STRN3: variants seen among roughly 807,000 people sequenced by gnomAD.
STRN3 encodes striatin 3, also known as striatin-3.
A neutral mutation model predicts 95.6 loss-of-function variants in STRN3; 29 were observed. The ratio of observed to expected loss-of-function variants is 0.30; its 90% CI spans 0.23 to 0.41. The LOEUF is 0.41. Ranked by LOEUF, STRN3 falls within the 10% of genes least tolerant of loss-of-function variation. The pLI is 1.00. For missense variants in STRN3, 890 were observed against 972.1 expected, an observed-to-expected ratio of 0.92 and a Z score of 1.12; for synonymous variants, 331 against 357.6, an observed-to-expected ratio of 0.93 and a Z score of 0.84.
chr14:30,911,234 A>G (rs1190591135), intron 12 of STRN3, 72 bp from the exon 13 acceptor site: 8 of 1,476,126 alleles, frequency 5.4e-6, no homozygotes, highest in Non-Finnish European at 6.4e-6. Flanking sequence ...CATTCCCCCA[A>G]CCTCTGAATT....
At chr14:31,009,946 T>C (rs1043814309) in intron 1 of STRN3, among the ~76,000 whole-genome samples, 1 of 151,534 alleles carries the variant, frequency 6.6e-6, no homozygotes, top group Admixed American at 6.6e-5. Flanking sequence ...GAAAAAAAAA[T>C]TTTTTAAGTA....
intron 1 of STRN3, among the ~76,000 whole-genome samples, chr14:30,958,501 A>G (rs1188603163): frequency 1.3e-5 from 2 of 152,334 alleles, no homozygotes; most frequent in East Asian, 1.9e-4. Context: ...CAAATTCGTC[A>G]TACACTTTTA....
chr14:30,960,591 T>C (rs1464121596), intron 1 of STRN3, among the ~76,000 whole-genome samples: 2 of 151,896 alleles, frequency 1.3e-5, no homozygotes, highest in Non-Finnish European at 2.9e-5. Flanking sequence ...AAAATGAGGC[T>C]GGGCGCGGTG....
intron 5 of STRN3, among the ~76,000 whole-genome samples, chr14:30,940,468 C>CAAA (rs1179886265): frequency 1.3e-5 from 2 of 152,156 alleles, no homozygotes; most frequent in African/African-American, 4.8e-5. Flanking sequence ...AACTCACTTT[C>CAAA]CCTCAGAATC....
chr14:30,956,113 C>G, intron 2 of STRN3, 26 bp downstream of exon 2: 1 of 1,584,940 alleles, frequency 6.3e-7, no homozygotes, highest in Non-Finnish European at 8.7e-7. Context: ...CTACTTTATT[C>G]ATGTAACAAA....
At chr14:30,902,209 T>A (rs199705258) in intron 16 of STRN3, among the ~76,000 whole-genome samples, 9,305 of 69,258 alleles carry the variant, frequency 0.13, 544 homozygotes, top group South Asian at 0.29. Context: ...AAAAAAAAAA[T>A]GGAAATGCCA....
intron 7 of STRN3, among the ~76,000 whole-genome samples, chr14:30,934,312 G>T (rs1052781252): frequency 6.6e-6 from 1 of 152,046 alleles, no homozygotes; most frequent in African/African-American, 2.4e-5. Flanking sequence ...GACAGAGCGA[G>T]ACTCTGTCTC....
intron 8 of STRN3, among the ~76,000 whole-genome samples, chr14:30,919,954 A>G (rs1896839710): frequency 6.6e-6 from 1 of 152,188 alleles, no homozygotes; most frequent in Non-Finnish European, 1.5e-5. Flanking sequence ...ATGTCAGAAA[A>G]AAACTTTGAA....
intron 8 of STRN3, among the ~76,000 whole-genome samples, chr14:30,926,322 T>G (rs1001734445): frequency 1.3e-5 from 2 of 152,028 alleles, no homozygotes; most frequent in Non-Finnish European, 2.9e-5. Flanking sequence ...GAAGCTAAGT[T>G]AAATACACAA....
intron 5 of STRN3, among the ~76,000 whole-genome samples, chr14:30,940,798 C>T (rs1396344136): frequency 1.3e-5 from 2 of 152,068 alleles, no homozygotes; most frequent in African/African-American, 4.8e-5. Flanking sequence ...ACTCCTAGTC[C>T]GACATTGACC....
intron 15 of STRN3, 54 bp from the exon 16 acceptor site, chr14:30,902,697 G>A: frequency 1.8e-6 from 2 of 1,127,606 alleles, no homozygotes; most frequent in Non-Finnish European, 1.3e-6. Context: ...ATAAGAAGTT[G>A]GATAATGGCC....
intron 1 of STRN3, among the ~76,000 whole-genome samples, chr14:30,963,276 G>A (rs1015908461): frequency 6.6e-6 from 1 of 152,108 alleles, no homozygotes; most frequent in African/African-American, 2.4e-5. Context: ...TAGAGGATCT[G>A]AACACAACAA....
chr14:30,941,486 C>T (rs537231149), intron 5 of STRN3, among the ~76,000 whole-genome samples: 1 of 152,186 alleles, frequency 6.6e-6, no homozygotes, highest in East Asian at 1.9e-4. Flanking sequence ...TATACAATAA[C>T]CCCATCTTTC....
intron 1 of STRN3, among the ~76,000 whole-genome samples, chr14:30,979,631 G>A (rs984274427): frequency 6.6e-6 from 1 of 151,848 alleles, no homozygotes; most frequent in Non-Finnish European, 1.5e-5. Flanking sequence ...ATAGAGTCTC[G>A]CTCTGTCGCC....
chr14:30,946,084 G>A (rs1326038834), intron 5 of STRN3, among the ~76,000 whole-genome samples: 1 of 151,814 alleles, frequency 6.6e-6, no homozygotes, highest in East Asian at 1.9e-4. Flanking sequence ...TTCACGCTAG[G>A]GTCTAAATAA....
Position 30,896,781 on chromosome 14 carries a change from G to C in STRN3, c.2138-1033C>G, listed in dbSNP as rs143512900. Among the ~76,000 whole-genome samples, 438 of 152,248 alleles carry C rather than the reference G, an allele frequency of 2.9e-3. 6 individuals carry two copies. Among genetic ancestry groups the C allele is most frequent in the African/African-American group, 0.01 (416 of 41,556 alleles). On this transcript the variant is annotated intron_variant, in intron 16 of 17. Coordinates refer to ENST00000357479, the MANE Select transcript of STRN3 (RefSeq NM_001083893.2). ...AGAAAGGAGTAAACAAATTACTCTA[G>C]ATTTCCCCAGATATTAACAAAAACA...
chr14:30,996,762 AGG>A (rs1882216866), intron 1 of STRN3, among the ~76,000 whole-genome samples: 2 of 152,170 alleles, frequency 1.3e-5, no homozygotes, highest in Admixed American at 1.3e-4. Context: ...GCTACTTGGG[AGG>A]CTGAGGCAGG....
rs746320443 is a variant in STRN3, at chr14:30,895,403, T to C, written c.*8A>G. ...GCAAATCTTGTTACGATGCAAGTTT[T>C]TGTTGATTCATACAAATACTTTGGC... On this transcript the variant is annotated 3_prime_UTR_variant, in exon 18 of 18. Coordinates refer to ENST00000357479, the MANE Select transcript of STRN3 (RefSeq NM_001083893.2). The C allele has an allele frequency of 1.7e-5, 27 of 1,589,824 alleles. No homozygotes were observed. Among genetic ancestry groups the C allele is most frequent in the South Asian group, 2.3e-5 (2 of 88,738 alleles).
intron 8 of STRN3, among the ~76,000 whole-genome samples, chr14:30,924,410 C>T (rs1896967309): frequency 6.6e-6 from 1 of 150,752 alleles, no homozygotes; most frequent in Admixed American, 6.6e-5. Flanking sequence ...GCCTCAGCCT[C>T]CCCAAGTAGC....
Sources: allele counts gnomAD v4.1 joint callset (sites outside exome capture counted in the v4.1 genomes callset), GRCh38; gene constraint gnomAD v4.1.1; transcripts MANE v1.5; gene names NCBI Gene and HGNC (gene_info 2026-07-23, HGNC 2026-07-21).